The following PLCB1 variants were observed in gnomAD, a reference collection of about 807,000 sequenced individuals.
PLCB1 encodes the protein 1-phosphatidylinositol 4,5-bisphosphate phosphodiesterase beta-1.
In PLCB1, 46 loss-of-function variants were observed where a neutral mutation model predicts 161.8. The observed-to-expected ratio is 0.28, with a 90% CI of 0.22 to 0.36. The LOEUF (loss-of-function observed/expected upper bound fraction) is 0.36. Among genes scored for constraint, PLCB1 ranks in the 10% least tolerant of loss-of-function variants. The pLI is 1.00. For missense variants in PLCB1, 1,016 were observed against 1,472.5 expected, an observed-to-expected ratio of 0.69 and a Z score of 5.07; for synonymous variants, 517 against 503.7, an observed-to-expected ratio of 1.03 and a Z score of -0.35.
At chr20:8,199,001 C>T (rs1411010006) in intron 2 of PLCB1, among the ~76,000 whole-genome samples, 1 of 151,598 alleles carries the variant, frequency 6.6e-6, no homozygotes, top group African/African-American at 2.4e-5. Context: ...TGGACAGAAA[C>T]ATCTTAATTT....
Position 8,644,870 on chromosome 20 carries a change from T to A in PLCB1, c.385-1232T>A, listed in dbSNP as rs1209690436. 2.0e-5 allele frequency among the ~76,000 whole-genome samples: 3 copies of A among 151,516 alleles called. 1 individual carries two copies. In the East Asian group the frequency reaches 5.8e-4, roughly 29 times the overall value. ...GAACGGGCCAGGATGACAATGGCGG[T>A]TTTGTGGAATAGAAAGGGGGGAAAG... On this transcript the variant is annotated intron_variant, in intron 4 of 31. Coordinates refer to ENST00000338037, the MANE Select transcript of PLCB1 (RefSeq NM_015192.4).
intron 3 of PLCB1, among the ~76,000 whole-genome samples, chr20:8,473,863 C>T (rs1982158774): frequency 6.6e-6 from 1 of 152,152 alleles, no homozygotes; most frequent in African/African-American, 2.4e-5. Context: ...AACCTTAACC[C>T]CATTTATATA....
intron 23 of PLCB1, among the ~76,000 whole-genome samples, chr20:8,753,094 C>T (rs1600299529): frequency 6.6e-6 from 1 of 152,022 alleles, no homozygotes; most frequent in African/African-American, 2.4e-5. Flanking sequence ...GTTGTGGGCT[C>T]CTTATGAAAA....
intron 3 of PLCB1, among the ~76,000 whole-genome samples, chr20:8,561,833 A>G (rs1986149945): frequency 6.6e-6 from 1 of 152,048 alleles, no homozygotes; most frequent in Non-Finnish European, 1.5e-5. Flanking sequence ...GACATTTAAT[A>G]GTGTTTTTCT....
At chr20:8,163,730 G>A (rs1477104297) in intron 2 of PLCB1, among the ~76,000 whole-genome samples, 2 of 152,208 alleles carry the variant, frequency 1.3e-5, no homozygotes, top group Non-Finnish European at 2.9e-5. Flanking sequence ...CAGTGCAGCA[G>A]CTGCCTGCTT....
chr20:8,548,219 TTCCTTCCTTCCC>T (rs746406985), intron 3 of PLCB1, among the ~76,000 whole-genome samples: 8 of 144,990 alleles, frequency 5.5e-5, no homozygotes, highest in Non-Finnish European at 1.1e-4. Context: ...CCTTCCTTCC[TTCCTTCCTTCCC>T]TCCCTCCCCT....
intron 3 of PLCB1, among the ~76,000 whole-genome samples, chr20:8,526,259 C>G (rs1279938692): frequency 6.6e-6 from 1 of 152,104 alleles, no homozygotes; most frequent in African/African-American, 2.4e-5. Context: ...ATGAAGCTGT[C>G]ACACAGACCT....
chr20:8,727,103 G>A (rs767065076), intron 16 of PLCB1, among the ~76,000 whole-genome samples: 5 of 151,818 alleles, frequency 3.3e-5, no homozygotes, highest in African/African-American at 4.8e-5. Flanking sequence ...AGTAGCAAAC[G>A]TTAGAAAAGA....
intron 3 of PLCB1, among the ~76,000 whole-genome samples, chr20:8,486,479 A>ATT (rs1491133431): frequency 6.8e-4 from 66 of 97,634 alleles, no homozygotes; most frequent in African/African-American, 2.8e-3. Flanking sequence ...TTATTCCAAA[A>ATT]TATTTTTTTT....
chr20:8,747,190 C>G (rs1438684049), intron 23 of PLCB1, among the ~76,000 whole-genome samples: 1 of 152,192 alleles, frequency 6.6e-6, no homozygotes, highest in African/African-American at 2.4e-5. Flanking sequence ...GAACTTCCCC[C>G]CTTTAATCAC....
intron 27 of PLCB1, among the ~76,000 whole-genome samples, 174 bp downstream of exon 27, chr20:8,774,893 C>T (rs1334931374): frequency 1.3e-5 from 2 of 152,146 alleles, no homozygotes; most frequent in East Asian, 3.8e-4. Context: ...GCCCCACTGT[C>T]TTAACATCTT....
At chr20:8,349,031 TAC>T (rs915922726) in intron 2 of PLCB1, among the ~76,000 whole-genome samples, 6 of 152,192 alleles carry the variant, frequency 3.9e-5, no homozygotes, top group East Asian at 1.9e-4. Context: ...TACATATATA[TAC>T]ACACACACAT....
chr20:8,456,018 TAATCAA>T (rs1424637567), intron 3 of PLCB1, among the ~76,000 whole-genome samples: 2 of 152,236 alleles, frequency 1.3e-5, no homozygotes, highest in African/African-American at 4.8e-5. Flanking sequence ...TGTTCTGGTT[TAATCAA>T]TGACTGATCT....
intron 31 of PLCB1, among the ~76,000 whole-genome samples, chr20:8,875,935 C>A (rs985605441): frequency 6.6e-6 from 1 of 152,014 alleles, no homozygotes; most frequent in Admixed American, 6.6e-5. Flanking sequence ...CTTTCCTTAA[C>A]TATATCAAAT....
chr20:8,592,857 A>T (rs1987192082), intron 3 of PLCB1, among the ~76,000 whole-genome samples: 1 of 152,198 alleles, frequency 6.6e-6, no homozygotes, highest in Admixed American at 6.5e-5. Flanking sequence ...TAAACATCAC[A>T]GTGATGCTGC....
At chr20:8,169,374 C>T (rs960555901) in intron 2 of PLCB1, among the ~76,000 whole-genome samples, 2 of 152,148 alleles carry the variant, frequency 1.3e-5, no homozygotes, top group Admixed American at 1.3e-4. Flanking sequence ...TCCATTTTCT[C>T]TTCTACAAAC....
At chr20:8,790,886 T>C (rs1245267525) in intron 31 of PLCB1, among the ~76,000 whole-genome samples, 1 of 152,186 alleles carries the variant, frequency 6.6e-6, no homozygotes, top group East Asian at 1.9e-4. Flanking sequence ...GCATCTCAGT[T>C]TTAGAACATT....
intron 23 of PLCB1, among the ~76,000 whole-genome samples, chr20:8,746,025 G>A (rs377571657): frequency 9.2e-5 from 14 of 152,174 alleles, no homozygotes; most frequent in African/African-American, 2.6e-4. Context: ...TCGGCCTCCC[G>A]GGTTCAAGCG....
At chr20:8,674,177 C>T (rs1209499458) in intron 9 of PLCB1, among the ~76,000 whole-genome samples, 7 of 152,156 alleles carry the variant, frequency 4.6e-5, no homozygotes, top group South Asian at 2.1e-4. Context: ...AACTAGCATA[C>T]CAGCAAATAT....
Sources: allele counts gnomAD v4.1 joint callset (sites outside exome capture counted in the v4.1 genomes callset), GRCh38; gene constraint gnomAD v4.1.1; transcripts MANE v1.5; gene names NCBI Gene and HGNC (gene_info 2026-07-23, HGNC 2026-07-21).